The following KCNT1 variants were observed in gnomAD, a reference collection of about 807,000 sequenced individuals.
KCNT1 encodes potassium channel subfamily T member 1.
Under a neutral mutation model 147.8 loss-of-function variants are expected in KCNT1, and 78 were observed. The observed-to-expected ratio is 0.53, with a 90% confidence interval of 0.44 to 0.64. KCNT1 has a LOEUF of 0.64. Among genes scored for constraint, KCNT1 ranks in the 30% least tolerant of loss-of-function variants. The probability of loss-of-function intolerance (pLI) is 0.00; values close to 1 mark genes in which losing one functional copy is unlikely to be tolerated. For synonymous variants in KCNT1, 867 were observed against 748.8 expected, an observed-to-expected ratio of 1.16 and a Z score of -2.58; for missense variants, 1,419 against 1,750.3, an observed-to-expected ratio of 0.81 and a Z score of 3.38.
chr9:135,733,540 C>A (rs137975994), intron 2 of KCNT1, among the ~76,000 whole-genome samples: 14 of 8,200 alleles, frequency 1.7e-3, no homozygotes, highest in East Asian at 4.2e-3. Flanking sequence ...CCCCCCATAC[C>A]TGCCCCTGCA....
intron 11 of KCNT1, among the ~76,000 whole-genome samples, chr9:135,762,205 A>G (rs1831961875): frequency 6.6e-6 from 1 of 152,224 alleles, no homozygotes; most frequent in Non-Finnish European, 1.5e-5. Flanking sequence ...GTACTTTGAA[A>G]GGCCAAGGCG....
chr9:135,750,040 G>T, intron 2 of KCNT1, 58 bp from the exon 3 acceptor site: 2 of 1,418,512 alleles, frequency 1.4e-6, no homozygotes, highest in East Asian at 2.3e-5. Flanking sequence ...CTCCCGGCGT[G>T]TCCCCAGCCT....
intron 2 of KCNT1, among the ~76,000 whole-genome samples, chr9:135,718,862 C>T (rs1014103504): frequency 4.6e-5 from 7 of 152,202 alleles, no homozygotes; most frequent in African/African-American, 1.4e-4. Flanking sequence ...GAGAAGAGCT[C>T]GGCGGGCCAT....
At chr9:135,747,310 A>G (rs1830883538) in intron 2 of KCNT1, among the ~76,000 whole-genome samples, 1 of 142,308 alleles carries the variant, frequency 7.0e-6, no homozygotes, top group South Asian at 2.2e-4. Context: ...CCCCGCGTTG[A>G]GGCTTTTGCC....
At chr9:135,751,100 T>G (rs1831137468) in intron 4 of KCNT1, 59 bp downstream of exon 4, 1 of 1,495,606 alleles carries the variant, frequency 6.7e-7, no homozygotes, top group African/African-American at 1.4e-5. Flanking sequence ...GCCTTCCCAC[T>G]GGGCCGTTAC....
intron 17 of KCNT1, 113 bp from the exon 18 acceptor site, chr9:135,770,744 G>T: frequency 9.3e-7 from 1 of 1,080,542 alleles, no homozygotes; most frequent in Non-Finnish European, 1.3e-6. Context: ...TGGCCCCCAG[G>T]AGGAAGACGC....
rs537469269 is a variant in KCNT1 at position 135,702,661 on chromosome 9, G to A, written c.110+293G>A. 5.3e-5 allele frequency among the ~76,000 whole-genome samples: 8 copies of A among 152,240 alleles called. No homozygotes were observed. In the South Asian group the frequency reaches 1.7e-3, roughly 32 times the overall value. ...CATGGGGGTCCTGAGCATCTCCCAG[G>A]TGTGGGGAGTGGCAGGGAGGCTGGG... On this transcript the variant is annotated intron_variant, in intron 1 of 30. Coordinates refer to ENST00000371757, the MANE Select transcript of KCNT1 (RefSeq NM_020822.3).
chr9:135,785,176 T>C (rs989683280), intron 27 of KCNT1, 134 bp from the exon 28 acceptor site: 13 of 1,342,538 alleles, frequency 9.7e-6, no homozygotes, highest in Middle Eastern at 2.4e-4. Context: ...GGGCAGCCCC[T>C]GTGCTGCAGT....
chr9:135,751,559 A>G (rs1588310877), intron 4 of KCNT1, among the ~76,000 whole-genome samples: 1 of 152,058 alleles, frequency 6.6e-6, no homozygotes, highest in Non-Finnish European at 1.5e-5. Context: ...TCAGGTCCTT[A>G]CCAGCCTCGC....
chr9:135,769,150 CACGTGGGTGACGGTGCGTCTGGG>C (rs1445365713), intron 15 of KCNT1, among the ~76,000 whole-genome samples: 2 of 109,520 alleles, frequency 1.8e-5, no homozygotes, highest in African/African-American at 3.4e-5. Context: ...CGCATGTGCA[CACGTGGGTGACGGTGCGTCTGGG>C]GCAGGGCGCG....
chr9:135,758,416 TG>T lies in KCNT1; in HGVS notation c.763del (p.Asp255ThrfsTer48), dbSNP rs755630818. The T allele has an allele frequency of 9.3e-6, 15 of 1,612,302 alleles. No individual in the cohort carries two copies. The highest frequency in any genetic ancestry group is 1.3e-5 in the Non-Finnish European group (15 of 1,179,450). ...AKHALENMIN[D>X]FHRAILRTQS... ...GACAGCCACCACTCCTTCCACAGAA[TG>T]ACTTCCACCGTGCCATCCTGCGGAC... On this transcript the variant is annotated frameshift_variant, in exon 10 of 31. Coordinates refer to ENST00000371757, the MANE Select transcript of KCNT1 (RefSeq NM_020822.3). LOFTEE classifies it high-confidence loss of function.
At chr9:135,731,962 A>G (rs1230456982) in intron 2 of KCNT1, among the ~76,000 whole-genome samples, 37 of 14,632 alleles carry the variant, frequency 2.5e-3, no homozygotes, top group Non-Finnish European at 2.9e-3. Flanking sequence ...ATATGCGTGT[A>G]TATATATATA....
At chr9:135,750,442 T>C (rs984923588) in intron 3 of KCNT1, 24 of 541,532 alleles carry the variant, frequency 4.4e-5, no homozygotes, top group Non-Finnish European at 7.4e-5. Flanking sequence ...TCCTGCCTGC[T>C]GGACACCAGG....
In KCNT1 at chr9:135,764,685, C is replaced by T. The variant is rs138732540; in HGVS notation, c.1036-346C>T. On this transcript the variant is annotated intron_variant, in intron 11 of 30. Transcript: ENST00000371757. ...TGAGGCCTGCGAGTGCCTGGAAGAC[C>T]GGGGTCTGAGGCCTGATTTGGCCAC... Among the ~76,000 whole-genome samples the T allele has an allele frequency of 9.2e-3, 1,402 of 152,188 alleles. 13 individuals are homozygous for T. Among genetic ancestry groups the T allele is most frequent in the Non-Finnish European group, 0.014 (954 of 68,010 alleles).
In KCNT1 at chr9:135,781,329, C is replaced by G. The variant is rs551636797; in HGVS notation, c.2841+1859C>G. 7.8e-4 allele frequency among the ~76,000 whole-genome samples: 119 copies of G among 152,332 alleles called. 1 individual carries two copies. Among genetic ancestry groups the G allele is most frequent in the Middle Eastern group, 3.4e-3 (1 of 294 alleles). On this transcript the variant is annotated intron_variant, in intron 24 of 30. Coordinates refer to ENST00000371757, the MANE Select transcript of KCNT1 (RefSeq NM_020822.3). The stretch of plus-strand genomic sequence containing the variant: ...GGCCCTGGGCAGGGCCAGGCATATA[C>G]AGAGACGTGGAGCCGAGGGAGGAGA...
chr9:135,746,462 C>T (rs1050602200), intron 2 of KCNT1, among the ~76,000 whole-genome samples: 9 of 152,216 alleles, frequency 5.9e-5, no homozygotes, highest in South Asian at 2.1e-4. Context: ...CAGCAGCCCT[C>T]GACCCCACGG....
In KCNT1 at chr9:135,769,222, C is replaced by T. The variant is rs529149972; in HGVS notation, c.1510+285C>T. ...GTGACAGTGCATCTGGGGCAGGGCACGTGTGCACGTGTGTGTCGGTGTGTC... is the reference window on the plus strand; with the variant it reads ...GTGACAGTGCATCTGGGGCAGGGCATGTGTGCACGTGTGTGTCGGTGTGTC... On this transcript the variant is annotated intron_variant, in intron 15 of 30. Transcript: ENST00000371757. Among the ~76,000 whole-genome samples the T allele has an allele frequency of 5.3e-5, 7 of 132,150 alleles. No homozygotes were observed. The South Asian group carries it at 1.5e-3, about 27-fold the overall frequency. 86.7% of individuals were successfully genotyped at this position (132,150 alleles called of 152,430 possible).
chr9:135,776,916 C>T lies in KCNT1; in HGVS notation c.2350-422C>T, dbSNP rs535581434. Among the ~76,000 whole-genome samples, 52 of 152,362 alleles carry T rather than the reference C, an allele frequency of 3.4e-4. 1 individual carries two copies. In the South Asian group the frequency reaches 0.011, roughly 31 times the overall value. On this transcript the variant is annotated intron_variant, in intron 20 of 30. Coordinates refer to ENST00000371757, the MANE Select transcript of KCNT1 (RefSeq NM_020822.3). ...TCGCCTGCTCCAGTCTGGAATGAAC[C>T]ACTTCTCCAAGGAACCCTGATTCCT...
intron 2 of KCNT1, among the ~76,000 whole-genome samples, chr9:135,731,770 T>C (rs1836441370): frequency 6.6e-6 from 1 of 151,570 alleles, no homozygotes. Flanking sequence ...CCAGCTCACT[T>C]CACCCCCTTC....
Sources: allele counts gnomAD v4.1 joint callset (sites outside exome capture counted in the v4.1 genomes callset), GRCh38; gene constraint gnomAD v4.1.1; transcripts MANE v1.5; gene names NCBI Gene and HGNC (gene_info 2026-07-23, HGNC 2026-07-21).